Variants in LRRIQ1 observed in about 807,000 individuals in gnomAD.
LRRIQ1 encodes leucine rich repeats and IQ motif containing 1, also known as leucine-rich repeat- and IQ domain-containing protein 1.
LRRIQ1 carries 210 observed loss-of-function variants against 211.9 expected under a neutral mutation model. The ratio of observed to expected loss-of-function variants is 0.99; its 90% CI spans 0.89 to 1.11. The LOEUF is 1.11. Ranked by LOEUF, LRRIQ1 falls within the 50% of genes most tolerant of loss-of-function variation. The pLI, the probability that LRRIQ1 is intolerant of heterozygous loss-of-function variation, is 0.00. For synonymous variants in LRRIQ1, 699 were observed against 650.1 expected, an observed-to-expected ratio of 1.08 and a Z score of -1.14; for missense variants, 2,136 against 1,939.5, an observed-to-expected ratio of 1.10 and a Z score of -1.90.
chr12:85,121,916 T>C (rs749576432), intron 16 of LRRIQ1, 40 bp downstream of exon 16: 2 of 1,423,368 alleles, frequency 1.4e-6, no homozygotes, highest in East Asian at 4.9e-5. Flanking sequence ...TTAGAATCAA[T>C]AATGTAATTT....
chr12:85,212,926 T>G (rs1439038646), intron 24 of LRRIQ1, among the ~76,000 whole-genome samples: 1 of 150,562 alleles, frequency 6.6e-6, no homozygotes, highest in African/African-American at 2.4e-5. Flanking sequence ...CTCTATCGAA[T>G]ATGGAGTCAA....
At chr12:85,204,532 G>A (rs1343808204) in intron 24 of LRRIQ1, among the ~76,000 whole-genome samples, 1 of 152,176 alleles carries the variant, frequency 6.6e-6, no homozygotes, top group Admixed American at 6.5e-5. Context: ...AAGCCCCAAG[G>A]GTGGAGCTGC....
intron 24 of LRRIQ1, among the ~76,000 whole-genome samples, chr12:85,227,499 C>T (rs779873589): frequency 1.1e-4 from 17 of 152,098 alleles, no homozygotes; most frequent in Admixed American, 2.6e-4. Context: ...TCATATCCTT[C>T]GCCCACTTTT....
At chr12:85,238,250 A>G (rs1895284978) in intron 26 of LRRIQ1, among the ~76,000 whole-genome samples, 2 of 152,014 alleles carry the variant, frequency 1.3e-5, no homozygotes, top group African/African-American at 2.4e-5. Context: ...AAAAAAATCA[A>G]AGCTTGAGTG....
intron 26 of LRRIQ1, among the ~76,000 whole-genome samples, 179 bp from the exon 27 acceptor site, chr12:85,244,610 C>CA (rs1237514222): frequency 6.6e-6 from 1 of 151,534 alleles, no homozygotes; most frequent in Non-Finnish European, 1.5e-5. Context: ...CTCTTATTTG[C>CA]AAAAAATGCT....
chr12:85,161,192 T>A (rs1890854206), intron 24 of LRRIQ1, among the ~76,000 whole-genome samples: 1 of 152,144 alleles, frequency 6.6e-6, no homozygotes, highest in African/African-American at 2.4e-5. Context: ...GATTTGCACA[T>A]CTAGGTGGTG....
chr12:85,176,022 G>T (rs1391681557), intron 24 of LRRIQ1, among the ~76,000 whole-genome samples: 1 of 152,066 alleles, frequency 6.6e-6, no homozygotes, highest in Non-Finnish European at 1.5e-5. Flanking sequence ...CTTTAAAGTA[G>T]TTTTTTCCAA....
intron 18 of LRRIQ1, among the ~76,000 whole-genome samples, chr12:85,137,255 A>G (rs1889200828): frequency 6.6e-6 from 1 of 151,278 alleles, no homozygotes; most frequent in South Asian, 2.1e-4. Flanking sequence ...TATTCTTTAT[A>G]TTTATAAATA....
chr12:85,246,093 A>C (rs1895705441), downstream of LRRIQ1, among the ~76,000 whole-genome samples: 1 of 151,204 alleles, frequency 6.6e-6, no homozygotes, highest in Non-Finnish European at 1.5e-5. Flanking sequence ...GATAAATTTT[A>C]ATTTACTTTT....
intron 24 of LRRIQ1, among the ~76,000 whole-genome samples, chr12:85,199,105 C>T (rs1365290810): frequency 6.6e-6 from 1 of 152,072 alleles, no homozygotes; most frequent in African/African-American, 2.4e-5. Flanking sequence ...TATAGAAACT[C>T]TTTAGTTTAA....
chr12:85,224,112 G>C (rs573469270), intron 24 of LRRIQ1, among the ~76,000 whole-genome samples: 1 of 150,408 alleles, frequency 6.6e-6, no homozygotes. Context: ...CTTTTAAAAT[G>C]GATTAATTAT....
At chr12:85,106,692 G>T in intron 15 of LRRIQ1, 77 bp downstream of exon 15, 1 of 948,514 alleles carries the variant, frequency 1.1e-6, no homozygotes, top group Non-Finnish European at 1.6e-6. Flanking sequence ...ATTGTCCTGT[G>T]AATAACAATT....
chr12:85,261,911 C>T (rs1896308242), intron 1 of LRRIQ1, among the ~76,000 whole-genome samples: 2 of 152,136 alleles, frequency 1.3e-5, no homozygotes, highest in South Asian at 4.1e-4. Context: ...CTGCCTCAGC[C>T]TTCCGAGTAG....
intron 15 of LRRIQ1, among the ~76,000 whole-genome samples, chr12:85,118,001 C>T (rs760308856): frequency 5.9e-5 from 9 of 152,004 alleles, no homozygotes; most frequent in Non-Finnish European, 1.0e-4. Flanking sequence ...TTGGTTATTA[C>T]CAGTTTTATT....
intron 24 of LRRIQ1, among the ~76,000 whole-genome samples, chr12:85,226,774 C>T (rs1482009717): frequency 8.2e-5 from 12 of 146,060 alleles, no homozygotes; most frequent in African/African-American, 2.3e-4. Flanking sequence ...TGAGAACATG[C>T]GGTGTTTGGT....
chr12:85,071,167 C>T (rs946953255), intron 10 of LRRIQ1, among the ~76,000 whole-genome samples: 4 of 151,840 alleles, frequency 2.6e-5, no homozygotes, highest in Non-Finnish European at 4.4e-5. Flanking sequence ...ACTCTTCTCT[C>T]GCATTTACTC....
intron 1 of LRRIQ1, among the ~76,000 whole-genome samples, chr12:85,256,457 G>A: frequency 6.6e-6 from 1 of 151,700 alleles, no homozygotes; most frequent in East Asian, 1.9e-4. Flanking sequence ...AAATGCATTT[G>A]TCGAATGAAT....
intron 24 of LRRIQ1, among the ~76,000 whole-genome samples, chr12:85,181,544 A>G (rs1836476577): frequency 6.6e-6 from 1 of 151,984 alleles, no homozygotes; most frequent in African/African-American, 2.4e-5. Flanking sequence ...TACTATTTGA[A>G]CATTAGTGAA....
intron 8 of LRRIQ1, among the ~76,000 whole-genome samples, chr12:85,063,579 A>G (rs1383553151): frequency 2.0e-5 from 3 of 151,640 alleles, no homozygotes; most frequent in African/African-American, 7.3e-5. Flanking sequence ...AAAATGTACA[A>G]TAAATTATTA....
Sources: gnomAD v4.1 joint callset for allele counts (sites outside exome capture counted in the v4.1 genomes callset) on GRCh38, gnomAD v4.1.1 for gene constraint, MANE v1.5 for transcripts, NCBI Gene and HGNC (gene_info 2026-07-23, HGNC 2026-07-21) for gene names.